SBNO2: variants seen among roughly 807,000 people sequenced by gnomAD.
SBNO2 encodes the protein protein strawberry notch homolog 2.
In SBNO2, 89 loss-of-function variants were observed where a neutral mutation model predicts 146.3. That is an observed-to-expected ratio of 0.61 (90% CI 0.51 to 0.73). The LOEUF (loss-of-function observed/expected upper bound fraction) is 0.73, where lower values mean the gene tolerates loss of function less well. Ranked by LOEUF, SBNO2 falls within the 30% of genes least tolerant of loss-of-function variation. SBNO2 has a pLI of 0.00. For synonymous variants in SBNO2, 1,147 were observed against 892.6 expected, an observed-to-expected ratio of 1.29 and a Z score of -5.08; for missense variants, 2,092 against 2,003.7, an observed-to-expected ratio of 1.04 and a Z score of -0.84.
intron 1 of SBNO2, among the ~76,000 whole-genome samples, chr19:1,164,697 A>AGGC (rs2080390469): frequency 2.5e-4 from 2 of 7,978 alleles, no homozygotes; most frequent in Admixed American, 2.0e-3. Context: ...GAGGAGGAAG[A>AGGC]ACAGGAGGAG....
rs955275325 is a variant in SBNO2, at chr19:1,150,674, A to C, written c.94-1232T>G. Among the ~76,000 whole-genome samples the C allele has an allele frequency of 3.9e-5, 6 of 152,090 alleles. No homozygotes were observed. Among genetic ancestry groups the C allele is most frequent in the Non-Finnish European group, 7.4e-5 (5 of 67,986 alleles). On this transcript the variant is annotated intron_variant, in intron 2 of 31. Coordinates refer to ENST00000361757, the MANE Select transcript of SBNO2 (RefSeq NM_014963.3). The surrounding 1 kb of genome is among the most constrained non-coding windows in gnomAD (Gnocchi z 6.2). ...GGTTGGGGGTTCGCCTGCTTCCCTG[A>C]GTCCCCCAGTGACCTCTCCCAGGCC... is the stretch of plus-strand genomic sequence containing the variant.
Position 1,112,312 on chromosome 19 carries a change from A to T in SBNO2, c.2516-11T>A. 6.3e-7 allele frequency: 1 copy of T among 1,577,634 alleles called. No homozygotes were observed. On this transcript the variant is annotated splice_polypyrimidine_tract_variant and intron_variant, in intron 21 of 31. Transcript: ENST00000361757. The surrounding 1 kb of genome is among the most constrained non-coding windows in gnomAD (Gnocchi z 5.9). ...ACCGGTGGGTGCGGCCTGGGGGCAG[A>T]GCTGCTCTCAGGGCCCGGCCAGGCG...
At chr19:1,124,847 A>C (rs570252323) in intron 5 of SBNO2, among the ~76,000 whole-genome samples, 95 of 152,150 alleles carry the variant, frequency 6.2e-4, no homozygotes, top group South Asian at 1.5e-3. Flanking sequence ...GGGGTCTCCG[A>C]ACTGACTGGG....
Position 1,127,711 on chromosome 19 carries a change from C to T in SBNO2, c.334G>A (p.Asp112Asn). Residue 112 changes from aspartate (D) to asparagine (N), a missense_variant, in exon 5 of 32, where the codon GAC becomes AAC. Coordinates refer to ENST00000361757, the MANE Select transcript of SBNO2 (RefSeq NM_014963.3). ...SNISIFSSSV[D>N]SLSDIVDTPD... The stretch of plus-strand genomic sequence containing the variant: ...GTGTCCACGATGTCCGACAGGGAGT[C>T]CACGGACGAGGAGAAGATGGAGATG... The T allele has an allele frequency of 6.2e-7, 1 of 1,613,572 alleles. No homozygotes were observed. The highest frequency in any genetic ancestry group is 2.2e-5 in the East Asian group (1 of 44,886).
At chr19:1,162,111 A>G (rs972810719) in intron 1 of SBNO2, among the ~76,000 whole-genome samples, 4 of 140,096 alleles carry the variant, frequency 2.9e-5, no homozygotes, top group African/African-American at 8.0e-5. Context: ...GGACCACTCC[A>G]CACCCTAGAC....
Position 1,150,628 on chromosome 19 carries a change from C to T in SBNO2, c.94-1186G>A, listed in dbSNP as rs570184675. On this transcript the variant is annotated intron_variant, in intron 2 of 31. Transcript: ENST00000361757. The surrounding 1 kb of genome is among the most constrained non-coding windows in gnomAD (Gnocchi z 6.2). ...CTGCTTATCCCAGCAGGACTGGGGG[C>T]CACGCTGGCTTCCAGAACAGGGTTG... Among the ~76,000 whole-genome samples, 3 of 152,248 alleles carry T rather than the reference C, an allele frequency of 2.0e-5. No homozygotes were observed. The highest frequency in any genetic ancestry group is 1.9e-4 in the East Asian group (1 of 5,172).
At chr19:1,152,727 C>T (rs1444244184) in intron 2 of SBNO2, among the ~76,000 whole-genome samples, 4 of 152,114 alleles carry the variant, frequency 2.6e-5, no homozygotes, top group African/African-American at 7.2e-5. Context: ...GATGGACTGC[C>T]GAGGGGTGTC....
At chr19:1,128,908 G>A (rs990528336) in intron 4 of SBNO2, among the ~76,000 whole-genome samples, 1 of 151,106 alleles carries the variant, frequency 6.6e-6, no homozygotes, top group African/African-American at 2.4e-5. Context: ...GGTCAAGGCT[G>A]CAGTGAGCTG....
Position 1,163,706 on chromosome 19 carries a change from G to A in SBNO2, c.-126-9304C>T, listed in dbSNP as rs552063299. On this transcript the variant is annotated intron_variant, in intron 1 of 31. Transcript: ENST00000361757. ...GCGCAGGCACAGGCCAGGCGGCGCC[G>A]GGGAAGCCTGGGGGCCCCAGACCGG... is the stretch of plus-strand genomic sequence containing the variant. 1.5e-4 allele frequency among the ~76,000 whole-genome samples: 23 copies of A among 152,352 alleles called. No homozygotes were observed. The East Asian group carries it at 3.5e-3, about 23-fold the overall frequency.
intron 1 of SBNO2, among the ~76,000 whole-genome samples, chr19:1,167,056 T>C (rs1463675867): frequency 3.9e-5 from 6 of 152,254 alleles, no homozygotes; most frequent in Non-Finnish European, 5.9e-5. Context: ...CATCAGGTCC[T>C]GGAGGAGGAG....
Position 1,109,108 on chromosome 19 carries a change from T to A in SBNO2, c.3425+27A>T. On this transcript the variant is annotated intron_variant, in intron 30 of 31. Coordinates refer to ENST00000361757, the MANE Select transcript of SBNO2 (RefSeq NM_014963.3). The surrounding 1 kb of genome is among the most constrained non-coding windows in gnomAD (Gnocchi z 4.2). ...CCTGGGTCGCCGCCATCTGCCGGTT[T>A]CCCCCTGGTCCCCGGCCCGCCCTCA... 6.5e-7 allele frequency: 1 copy of A among 1,546,310 alleles called. No individual in the cohort carries two copies. The highest frequency in any genetic ancestry group is 8.7e-7 in the Non-Finnish European group (1 of 1,145,240).
intron 4 of SBNO2, among the ~76,000 whole-genome samples, chr19:1,138,334 G>A (rs59631160): frequency 6.6e-6 from 1 of 151,706 alleles, no homozygotes; most frequent in East Asian, 1.9e-4. Flanking sequence ...CCTGGAGCAG[G>A]GGACCCACGG....
Position 1,108,955 on chromosome 19 carries a change from C to G in SBNO2, c.3440G>C (p.Arg1147Pro). ...CSHSAWNRHC[R>P]LAQEGKDCLQ... ...GCAGTCCTTACCCTCCTGCGCCAGCCGGCAGTGCCGGTTCCTGCGGACGAG... is the reference window on the plus strand; with the variant it reads ...GCAGTCCTTACCCTCCTGCGCCAGCGGGCAGTGCCGGTTCCTGCGGACGAG... Residue 1147 changes from arginine (R) to proline (P), a missense_variant, in exon 31 of 32, where the codon CGG becomes CCG. By Grantham distance (103) the Arg-to-Pro change is moderately radical. Coordinates refer to ENST00000361757, the MANE Select transcript of SBNO2 (RefSeq NM_014963.3). 6.5e-7 allele frequency: 1 copy of G among 1,541,990 alleles called. No homozygotes were observed. Among genetic ancestry groups the G allele is most frequent in the East Asian group, 2.4e-5 (1 of 41,784 alleles).
rs2080311645 is a variant in SBNO2, at chr19:1,158,317, T to G, written c.-126-3915A>C. On this transcript the variant is annotated intron_variant, in intron 1 of 31. Transcript: ENST00000361757. This position sits in a 1 kb window ranked among gnomAD's most constrained non-coding sequence, Gnocchi z 9.9. Reference sequence around the variant, plus strand: ...GGAGCCCGGTTCTCCTGCCGTCCTCTCGCCGAGCAGGGTTGTGACCCCCGC... The same window carrying G: ...GGAGCCCGGTTCTCCTGCCGTCCTCGCGCCGAGCAGGGTTGTGACCCCCGC... Among the ~76,000 whole-genome samples, 2 of 152,144 alleles carry G rather than the reference T, an allele frequency of 1.3e-5. No homozygotes were observed. Among genetic ancestry groups the G allele is most frequent in the South Asian group, 4.1e-4 (2 of 4,826 alleles).
chr19:1,113,635 T>C lies in SBNO2; in HGVS notation c.2147A>G (p.Gln716Arg). Residue 716 changes from glutamine (Q) to arginine (R), a missense_variant, in exon 19 of 32, where the codon CAG becomes CGG. By Grantham distance (43) the Gln-to-Arg change is conservative. Transcript: ENST00000361757. ...GVLERVERLKQDLLDKVRRLG... is the reference protein window; with the variant it reads ...GVLERVERLKRDLLDKVRRLG... Reference sequence around the variant, plus strand: ...CCGCCGCACTTTGTCCAGCAGATCCTGCTTCAGCCGCTCCACCCGCTCCAG... The same window carrying C: ...CCGCCGCACTTTGTCCAGCAGATCCCGCTTCAGCCGCTCCACCCGCTCCAG... 6.3e-7 allele frequency: 1 copy of C among 1,599,778 alleles called. No homozygotes were observed. Among genetic ancestry groups the C allele is most frequent in the Non-Finnish European group, 8.5e-7 (1 of 1,174,444 alleles).
intron 4 of SBNO2, among the ~76,000 whole-genome samples, chr19:1,130,393 G>T (rs1006452534): frequency 6.6e-6 from 1 of 152,184 alleles, no homozygotes; most frequent in Non-Finnish European, 1.5e-5. Flanking sequence ...TCAGGAGGCT[G>T]AGGCAGGAGG....
intron 18 of SBNO2, among the ~76,000 whole-genome samples, 183 bp downstream of exon 18, chr19:1,114,048 A>T (rs1411475583): frequency 6.6e-6 from 1 of 152,144 alleles, no homozygotes; most frequent in Admixed American, 6.5e-5. Flanking sequence ...CCCATCTGTA[A>T]AGTGGGCACC....
chr19:1,110,128 G>A lies in SBNO2; in HGVS notation c.3029-351C>T, dbSNP rs1428968415. Among the ~76,000 whole-genome samples, 2 of 152,038 alleles carry A rather than the reference G, an allele frequency of 1.3e-5. No homozygotes were observed. The highest frequency in any genetic ancestry group is 2.9e-5 in the Non-Finnish European group (2 of 67,956). ...GGCTGTGAGGAGATTGTAGGAGCCT[G>A]GGGGCTGCTCAGGTGCTGGGTGACC... On this transcript the variant is annotated intron_variant, in intron 26 of 31. Transcript: ENST00000361757. This position sits in a 1 kb window ranked among gnomAD's most constrained non-coding sequence, Gnocchi z 4.9.
At chr19:1,172,501 C>G (rs1468272865) in intron 1 of SBNO2, among the ~76,000 whole-genome samples, 1 of 152,162 alleles carries the variant, frequency 6.6e-6, no homozygotes, top group African/African-American at 2.4e-5. Flanking sequence ...CACAAACTCT[C>G]TGGGTCCCAT....
Sources: gnomAD v4.1 joint callset for allele counts (sites outside exome capture counted in the v4.1 genomes callset) on GRCh38, gnomAD v4.1.1 for gene constraint, Gnocchi (gnomAD v3.1) non-coding constraint, MANE v1.5 for transcripts, NCBI Gene and HGNC (gene_info 2026-07-23, HGNC 2026-07-21) for gene names.